Variants in IYD observed in about 807,000 individuals in gnomAD.
The protein encoded by IYD is iodotyrosine deiodinase, also known as iodotyrosine deiodinase 1.
Under a neutral mutation model 28.4 loss-of-function variants are expected in IYD, and 25 were observed. That is an observed-to-expected ratio of 0.88 (90% CI 0.64 to 1.23). The LOEUF is 1.23. Ranked by LOEUF, IYD falls within the 50% of genes most tolerant of loss-of-function variation. The probability of loss-of-function intolerance (pLI) is 0.00; values close to 1 mark genes in which losing one functional copy is unlikely to be tolerated. For missense variants in IYD, 352 were observed against 357.9 expected, an observed-to-expected ratio of 0.98 and a Z score of 0.13; for synonymous variants, 140 against 130.8, an observed-to-expected ratio of 1.07 and a Z score of -0.48.
At chr6:150,386,318 T>A (rs1283633664) in intron 1 of IYD, among the ~76,000 whole-genome samples, 1 of 152,116 alleles carries the variant, frequency 6.6e-6, no homozygotes, top group Non-Finnish European at 1.5e-5. Flanking sequence ...AATAATTTCA[T>A]ATTTTAATTT....
At chr6:150,378,536 A>G (rs1310440225) in intron 1 of IYD, among the ~76,000 whole-genome samples, 1 of 152,164 alleles carries the variant, frequency 6.6e-6, no homozygotes, top group Non-Finnish European at 1.5e-5. Flanking sequence ...TGCATGGTGT[A>G]TATGTGCTCA....
chr6:150,403,511 T>TC lies in IYD; in HGVS notation c.*5277dup, dbSNP rs1778566138. On this transcript the variant is annotated 3_prime_UTR_variant, in exon 5 of 5. Transcript: ENST00000344419. Reference sequence around the variant, plus strand: ...ACTGGAGGTGGGAATGGTAAGGAACTCCCAGCAGGGTAGTGGAGGGAATGG... The same window carrying TC: ...ACTGGAGGTGGGAATGGTAAGGAACTCCCCAGCAGGGTAGTGGAGGGAATGG... 4.6e-5 allele frequency: 7 copies of TC among 152,332 alleles called. No individual in the cohort carries two copies. The South Asian group carries it at 1.4e-3, about 32-fold the overall frequency. 9.4% of individuals were successfully genotyped at this position (152,332 alleles called of 1,614,324 possible).
intron 1 of IYD, among the ~76,000 whole-genome samples, chr6:150,388,199 T>C (rs182713188): frequency 5.9e-5 from 9 of 152,312 alleles, no homozygotes; most frequent in Admixed American, 1.3e-4. Context: ...ATATAAACCG[T>C]TGAGGAATAA....
intron 3 of IYD, 49 bp downstream of exon 3, chr6:150,392,553 A>G (rs752122652): frequency 6.4e-7 from 1 of 1,572,982 alleles, no homozygotes; most frequent in South Asian, 1.1e-5. Context: ...CTCTTAAAAT[A>G]AAATCACCAC....
At chr6:150,374,733 C>G (rs1026652767) in intron 1 of IYD, among the ~76,000 whole-genome samples, 2 of 152,174 alleles carry the variant, frequency 1.3e-5, no homozygotes, top group African/African-American at 4.8e-5. Context: ...GGTAGCGACA[C>G]AGCCAAACCA....
Position 150,369,208 on chromosome 6 carries a change from A to G in IYD, c.177A>G (p.Glu59=). 1 of 1,611,928 alleles carries G rather than the reference A, an allele frequency of 6.2e-7. No individual in the cohort carries two copies. Among genetic ancestry groups the G allele is most frequent in the Non-Finnish European group, 8.5e-7 (1 of 1,179,866 alleles). Residue 59 remains glutamate, a splice_region_variant and synonymous_variant, in exon 1 of 5, where the codon GAA becomes GAG. Transcript: ENST00000344419. ...KDSSDLHQAE[E]DADEWQESEE... ...GCAGTGACCTGCACCAAGCAGAAGAAGGTAAAGACACCAGCTATGCTGCTT... is the reference window on the plus strand; with the variant it reads ...GCAGTGACCTGCACCAAGCAGAAGAGGGTAAAGACACCAGCTATGCTGCTT...
intron 1 of IYD, among the ~76,000 whole-genome samples, chr6:150,379,081 C>T (rs1777555162): frequency 6.6e-6 from 1 of 152,182 alleles, no homozygotes; most frequent in African/African-American, 2.4e-5. Flanking sequence ...CTGTTGACTC[C>T]TGTTCCTCCT....
Position 150,405,699 on chromosome 6 carries a change from C to G in IYD, c.*7462C>G. 1 of 152,106 alleles carries G rather than the reference C, an allele frequency of 6.6e-6. No individual in the cohort carries two copies. Among genetic ancestry groups the G allele is most frequent in the Non-Finnish European group, 1.5e-5 (1 of 68,030 alleles). The allele number at this position is 152,106 out of a possible 1,614,324, so 9.4% of individuals were successfully genotyped here. ...GAGAATAACATGGGGGAAACTGCCC[C>G]CATTATTCAATTATCCCCCATCAGT... On this transcript the variant is annotated 3_prime_UTR_variant, in exon 5 of 5. Transcript: ENST00000344419.
chr6:150,375,318 G>A (rs149204714), intron 1 of IYD, among the ~76,000 whole-genome samples: 27 of 152,146 alleles, frequency 1.8e-4, no homozygotes, highest in African/African-American at 6.0e-4. Flanking sequence ...TGGTCAGAGC[G>A]CAGGGTGAAG....
In IYD at chr6:150,404,046, T is replaced by C. The variant is rs1778581776; in HGVS notation, c.*5809T>C. 1.3e-5 allele frequency: 2 copies of C among 152,200 alleles called. No individual in the cohort carries two copies. Among genetic ancestry groups the C allele is most frequent in the Admixed American group, 1.3e-4 (2 of 15,284 alleles). 9.4% of individuals were successfully genotyped at this position (152,200 alleles called of 1,614,324 possible). On this transcript the variant is annotated 3_prime_UTR_variant, in exon 5 of 5. Transcript: ENST00000344419. The stretch of plus-strand genomic sequence containing the variant: ...AACTGGGAGCCTCCTGTTCCCATAG[T>C]AACCACAGCACTCAGGGCACTGTCT...
chr6:150,397,087 G>C (rs1778351673), intron 4 of IYD, among the ~76,000 whole-genome samples: 1 of 152,080 alleles, frequency 6.6e-6, no homozygotes. Flanking sequence ...TGTTGTATAA[G>C]AGACCTTCAG....
rs1778223808 is a variant in IYD at position 150,394,115 on chromosome 6, G to T, written c.547G>T (p.Glu183Ter). ...TCTTCACAGAACCAACTGGATTAAAGAGTACTTGGATACTGCCCCTATTTT... is the reference window on the plus strand; with the variant it reads ...TCTTCACAGAACCAACTGGATTAAATAGTACTTGGATACTGCCCCTATTTT... ...LKKLRTNWIK[E>*]YLDTAPILIL... is the part of the protein sequence containing the mutation. Residue 183 changes from glutamate to a stop codon, truncating the protein, a stop_gained, in exon 4 of 5, where the codon GAG becomes TAG. Coordinates refer to ENST00000344419, the MANE Select transcript of IYD (RefSeq NM_203395.3). LOFTEE classifies it high-confidence loss of function. 6.2e-7 allele frequency: 1 copy of T among 1,614,050 alleles called. No individual in the cohort carries two copies. Among genetic ancestry groups the T allele is most frequent in the Non-Finnish European group, 8.5e-7 (1 of 1,180,028 alleles).
In IYD at chr6:150,404,160, T is replaced by C. The variant is rs539567354; in HGVS notation, c.*5923T>C. On this transcript the variant is annotated 3_prime_UTR_variant, in exon 5 of 5. Transcript: ENST00000344419. ...CCACCATATTGTGGGCATGAGTCCT[T>C]GACAATAGTAAATAGCACCTCTGTT... 6.6e-6 allele frequency: 1 copy of C among 152,330 alleles called. No individual in the cohort carries two copies. Among genetic ancestry groups the C allele is most frequent in the Admixed American group, 6.5e-5 (1 of 15,306 alleles). The allele number at this position is 152,330 out of a possible 1,614,324, so 9.4% of individuals were successfully genotyped here.
chr6:150,405,249 C>T lies in IYD; in HGVS notation c.*7012C>T, dbSNP rs1778612475. ...CCCTGGTCTAGACCTTCAGCCTTGA[C>T]CTTGCCCTGAAACGCCAAACTCTTA... is the stretch of plus-strand genomic sequence containing the variant. On this transcript the variant is annotated 3_prime_UTR_variant, in exon 5 of 5. Coordinates refer to ENST00000344419, the MANE Select transcript of IYD (RefSeq NM_203395.3). The T allele has an allele frequency of 6.6e-6, 1 of 152,256 alleles. No homozygotes were observed. The highest frequency in any genetic ancestry group is 2.1e-4 in the South Asian group (1 of 4,826). The allele number at this position is 152,256 out of a possible 1,614,324, so 9.4% of individuals were successfully genotyped here.
At chr6:150,371,573 T>C (rs539337578) in intron 1 of IYD, among the ~76,000 whole-genome samples, 1 of 152,316 alleles carries the variant, frequency 6.6e-6, no homozygotes, top group East Asian at 1.9e-4. Flanking sequence ...GCTGGGAACA[T>C]AGAGCAGAAC....
chr6:150,379,802 T>C (rs1777581183), intron 1 of IYD, among the ~76,000 whole-genome samples: 1 of 152,146 alleles, frequency 6.6e-6, no homozygotes, highest in African/African-American at 2.4e-5. Flanking sequence ...TGACTATCCA[T>C]TATCTGATCA....
intron 1 of IYD, among the ~76,000 whole-genome samples, chr6:150,380,984 C>A (rs765840652): frequency 5.3e-5 from 8 of 152,172 alleles, no homozygotes; most frequent in Non-Finnish European, 8.8e-5. Context: ...CATGGCAGCA[C>A]AGGAAAATCG....
chr6:150,373,002 A>C (rs962735284), intron 1 of IYD, among the ~76,000 whole-genome samples: 2 of 152,190 alleles, frequency 1.3e-5, no homozygotes, highest in African/African-American at 4.8e-5. Context: ...AGATTCATAG[A>C]AGTCCATAGA....
chr6:150,372,515 GTGGGGAGTGCTGAGGGGTCATGTT>G, intron 1 of IYD, among the ~76,000 whole-genome samples: 1 of 14,678 alleles, frequency 6.8e-5, no homozygotes, highest in Non-Finnish European at 1.1e-4. Flanking sequence ...GGGGGGTGGG[GTGGGGAGTGCTGAGGGGTCATGTT>G]GTGTCCATGC....
Sources: allele counts gnomAD v4.1 joint callset (sites outside exome capture counted in the v4.1 genomes callset), GRCh38; gene constraint gnomAD v4.1.1; transcripts MANE v1.5; gene names NCBI Gene and HGNC (gene_info 2026-07-23, HGNC 2026-07-21).